The following NR6A1 variants were observed in gnomAD, a reference collection of about 807,000 sequenced individuals.
NR6A1 encodes the protein retinoic acid receptor-related testis-associated receptor.
In NR6A1, 7 loss-of-function variants were observed where a neutral mutation model predicts 59.1. The ratio of observed to expected loss-of-function variants is 0.12; its 90% CI spans 0.07 to 0.22. NR6A1 has a LOEUF of 0.22. Among genes scored for constraint, NR6A1 ranks in the 10% least tolerant of loss-of-function variants. The pLI is 1.00. For missense variants in NR6A1, 468 were observed against 611.6 expected (o/e 0.77, Z 2.48); for synonymous variants, 243 against 236.1 (o/e 1.03, Z -0.27).
At chr9:124,767,529 AG>A (rs1432552840) in intron 1 of NR6A1, among the ~76,000 whole-genome samples, 11 of 151,598 alleles carry the variant, frequency 7.3e-5, no homozygotes, top group Admixed American at 3.9e-4. Context: ...AAAAAAAAAA[AG>A]AAAAACCTGC....
In NR6A1 at chr9:124,651,965, C is replaced by T. The variant is rs553663963; in HGVS notation, c.142+81343G>A. On this transcript the variant is annotated intron_variant, in intron 2 of 9. Transcript: ENST00000487099. The stretch of plus-strand genomic sequence containing the variant: ...GCTTGACAGCCAATCTAATTTAAGT[C>T]CAAAGGAGAAGAAAACGATGTCCAA... Among the ~76,000 whole-genome samples the T allele has an allele frequency of 5.9e-4, 90 of 152,036 alleles. 1 individual carries two copies. In the South Asian group the frequency reaches 0.018, roughly 31 times the overall value.
At chr9:124,657,924 C>A (rs1382876616) in intron 2 of NR6A1, among the ~76,000 whole-genome samples, 1 of 152,176 alleles carries the variant, frequency 6.6e-6, no homozygotes, top group Non-Finnish European at 1.5e-5. Flanking sequence ...ATAGAGGCTT[C>A]AAAGTCAAAT....
At chr9:124,621,220 C>T (rs952110537) in intron 2 of NR6A1, among the ~76,000 whole-genome samples, 2 of 152,168 alleles carry the variant, frequency 1.3e-5, no homozygotes, top group African/African-American at 4.8e-5. Context: ...AGAAATCTGA[C>T]ATAAAACATG....
chr9:124,745,901 C>A (rs1166007943), intron 1 of NR6A1, among the ~76,000 whole-genome samples: 31 of 144,970 alleles, frequency 2.1e-4, no homozygotes, highest in African/African-American at 7.9e-4. Flanking sequence ...GCAGGGAGAA[C>A]TGCTTGAATC....
chr9:124,692,969 A>G (rs151286620), intron 2 of NR6A1, among the ~76,000 whole-genome samples: 1 of 152,220 alleles, frequency 6.6e-6, no homozygotes, highest in Non-Finnish European at 1.5e-5. Context: ...ATAGCACAAA[A>G]TTATCCAATT....
chr9:124,532,017 T>C (rs772942601), intron 7 of NR6A1, among the ~76,000 whole-genome samples: 36 of 152,314 alleles, frequency 2.4e-4, no homozygotes, highest in South Asian at 1.7e-3. Flanking sequence ...GCAACCTGAC[T>C]CTGTAATTCC....
intron 2 of NR6A1, 55 bp downstream of exon 2, chr9:124,733,253 T>C (rs1029571649): frequency 2.0e-5 from 25 of 1,269,798 alleles, no homozygotes; most frequent in Non-Finnish European, 2.9e-5. Context: ...CACTTAAAAG[T>C]GTACACACAC....
chr9:124,768,796 T>C (rs1385246172), intron 1 of NR6A1, among the ~76,000 whole-genome samples: 1 of 152,184 alleles, frequency 6.6e-6, no homozygotes, highest in African/African-American at 2.4e-5. Context: ...TAGGTTTCTC[T>C]TACAACACTA....
intron 2 of NR6A1, among the ~76,000 whole-genome samples, chr9:124,590,823 C>G (rs1186517296): frequency 2.0e-5 from 3 of 152,332 alleles, no homozygotes; most frequent in Admixed American, 6.5e-5. Context: ...ATTTATCTAT[C>G]AAAACACAGG....
In NR6A1 at chr9:124,733,381, A is replaced by G. The variant is rs79553584; in HGVS notation, c.101-32T>C. On this transcript the variant is annotated intron_variant, in intron 1 of 9. Coordinates refer to ENST00000487099, the MANE Select transcript of NR6A1 (RefSeq NM_033334.4). Reference sequence around the variant, plus strand: ...AGAAAACAATAGGAAAAAAAATTACAATTTGTGAATTACTTCAAGCTGACT... The same window carrying G: ...AGAAAACAATAGGAAAAAAAATTACGATTTGTGAATTACTTCAAGCTGACT... 1.8e-3 allele frequency: 2,762 copies of G among 1,529,762 alleles called. 54 individuals carry two copies. In the African/African-American group the frequency reaches 0.034, roughly 19 times the overall value. The allele number at this position is 1,529,762 out of a possible 1,614,324, so 94.8% of individuals were successfully genotyped here.
intron 2 of NR6A1, among the ~76,000 whole-genome samples, chr9:124,686,306 T>C (rs1838327948): frequency 6.6e-6 from 1 of 151,732 alleles, no homozygotes; most frequent in Non-Finnish European, 1.5e-5. Context: ...GTAACTGTTC[T>C]TGTTTATTTC....
intron 1 of NR6A1, among the ~76,000 whole-genome samples, chr9:124,762,150 G>A (rs1011511658): frequency 6.6e-6 from 1 of 152,136 alleles, no homozygotes; most frequent in Non-Finnish European, 1.5e-5. Flanking sequence ...ATGCCTGAGT[G>A]TTCTTCAGGA....
chr9:124,564,449 G>C (rs539140374), intron 2 of NR6A1, among the ~76,000 whole-genome samples: 38 of 152,234 alleles, frequency 2.5e-4, no homozygotes, highest in South Asian at 6.2e-4. Context: ...AATTTTAAAA[G>C]ATGCCGTTTA....
At chr9:124,526,704 G>GA in intron 8 of NR6A1, 75 bp downstream of exon 8, 1 of 1,587,908 alleles carries the variant, frequency 6.3e-7, no homozygotes, top group South Asian at 1.1e-5. Flanking sequence ...GTAAGGAGGG[G>GA]TGAAACAGGA....
chr9:124,540,109 C>G lies in NR6A1; in HGVS notation c.520G>C (p.Asp174His). 1 of 1,613,558 alleles carries G rather than the reference C, an allele frequency of 6.2e-7. No homozygotes were observed. The highest frequency in any genetic ancestry group is 8.5e-7 in the Non-Finnish European group (1 of 1,179,944). The change falls in exon 5 of 10, where the codon GAT (aspartate) becomes CAT (histidine). Residue 174 changes from aspartate (D) to histidine (H), a missense_variant. Asp to His is a moderately conservative substitution (Grantham distance 81, BLOSUM62 -1). Coordinates refer to ENST00000487099, the MANE Select transcript of NR6A1 (RefSeq NM_033334.4). ...EEANHWSNHGDSDHSSPGNRA... is the reference protein window; with the variant it reads ...EEANHWSNHGHSDHSSPGNRA... ...TTCCCAGGGGAACTGTGGTCACTAT[C>G]ACCATGGTTGCTCCAGTGATTGGCC...
intron 2 of NR6A1, among the ~76,000 whole-genome samples, chr9:124,699,262 T>C (rs995081451): frequency 6.6e-6 from 1 of 152,220 alleles, no homozygotes; most frequent in Non-Finnish European, 1.5e-5. Flanking sequence ...AACTCTTGCC[T>C]ACTTGTCAAC....
In NR6A1 at chr9:124,558,626, A is replaced by G. The variant is rs117874938; in HGVS notation, c.143-4056T>C. On this transcript the variant is annotated intron_variant, in intron 2 of 9. Transcript: ENST00000487099. ...GTGCTGAATAATCACAATTATTCCTAAACAAGGTGCCCTCAACATTTTACA... is the reference window on the plus strand; with the variant it reads ...GTGCTGAATAATCACAATTATTCCTGAACAAGGTGCCCTCAACATTTTACA... 1.6e-4 allele frequency among the ~76,000 whole-genome samples: 24 copies of G among 152,310 alleles called. No homozygotes were observed. The East Asian group carries it at 4.6e-3, about 29-fold the overall frequency.
At chr9:124,576,783 T>C (rs1275469427) in intron 2 of NR6A1, among the ~76,000 whole-genome samples, 1 of 152,190 alleles carries the variant, frequency 6.6e-6, no homozygotes, top group African/African-American at 2.4e-5. Flanking sequence ...CTGGGCTCAA[T>C]GGCTCATGCC....
intron 2 of NR6A1, among the ~76,000 whole-genome samples, chr9:124,613,789 A>T (rs1279594676): frequency 6.6e-6 from 1 of 152,256 alleles, no homozygotes; most frequent in Non-Finnish European, 1.5e-5. Flanking sequence ...AGTCTATAAT[A>T]TCTTGTTAAT....
Sources: allele counts gnomAD v4.1 joint callset (sites outside exome capture counted in the v4.1 genomes callset), GRCh38; gene constraint gnomAD v4.1.1; transcripts MANE v1.5; gene names NCBI Gene and HGNC (gene_info 2026-07-23, HGNC 2026-07-21).